DAB1: variants seen among roughly 807,000 people sequenced by gnomAD.
The protein encoded by DAB1 is DAB adaptor protein 1.
A neutral mutation model predicts 64.6 loss-of-function variants in DAB1; 15 were observed. The ratio of observed to expected loss-of-function variants is 0.23; its 90% CI spans 0.16 to 0.36. DAB1 has a LOEUF of 0.36. Ranked by LOEUF, DAB1 falls within the 10% of genes least tolerant of loss-of-function variation. The probability of loss-of-function intolerance (pLI) is 1.00; values close to 1 mark genes in which losing one functional copy is unlikely to be tolerated. For missense variants in DAB1, 596 were observed against 706.7 expected (o/e 0.84, Z 1.78); for synonymous variants, 235 against 251.9 (o/e 0.93, Z 0.64).
At chr1:58,315,537 T>C (rs988528872) in intron 4 of DAB1, among the ~76,000 whole-genome samples, 20 of 152,190 alleles carry the variant, frequency 1.3e-4, no homozygotes, top group Non-Finnish European at 2.6e-4. Flanking sequence ...TATAGCTGAT[T>C]CTTGGAGGAA....
rs577169159 is a variant in DAB1 at position 57,763,829 on chromosome 1, G to T, written n.552-114164C>A. On this transcript the variant is annotated intron_variant and non_coding_transcript_variant, in intron 6 of 20. Coordinates refer to the DAB1 transcript ENST00000485760. ...TTCAGGAGGGTTTTCATTCTTGATA[G>T]TGTGTTTGACTTTCATGTAACTTCT... 1.3e-4 allele frequency among the ~76,000 whole-genome samples: 20 copies of T among 152,280 alleles called. No homozygotes were observed. The East Asian group carries it at 3.9e-3, about 29-fold the overall frequency.
intron 9 of DAB1, among the ~76,000 whole-genome samples, chr1:57,037,815 T>A (rs1403812343): frequency 6.6e-6 from 1 of 152,148 alleles, no homozygotes; most frequent in Non-Finnish European, 1.5e-5. Context: ...CAAGGGCAAG[T>A]GGCTTGAGGT....
intron 7 of DAB1, among the ~76,000 whole-genome samples, chr1:57,517,157 T>G (rs1032332775): frequency 1.3e-5 from 2 of 152,072 alleles, no homozygotes; most frequent in Non-Finnish European, 2.9e-5. Context: ...TCCTTTCTTT[T>G]TATTTATTTA....
chr1:58,427,401 C>T (rs770685903), intron 3 of DAB1, among the ~76,000 whole-genome samples: 1 of 152,112 alleles, frequency 6.6e-6, no homozygotes, highest in Non-Finnish European at 1.5e-5. Flanking sequence ...TTTATTTGAA[C>T]AGCACCACCA....
chr1:57,225,846 G>C (rs1487280341), intron 2 of DAB1, among the ~76,000 whole-genome samples: 1 of 152,084 alleles, frequency 6.6e-6, no homozygotes, highest in Admixed American at 6.6e-5. Flanking sequence ...TGGTTTTTCA[G>C]AAGTTTGCTG....
intron 1 of DAB1, among the ~76,000 whole-genome samples, chr1:57,828,020 A>G (rs1652431249): frequency 6.6e-6 from 1 of 152,114 alleles, no homozygotes. Context: ...ATCTCGGCTC[A>G]CTGCAAGCTC....
intron 1 of DAB1, among the ~76,000 whole-genome samples, chr1:57,377,325 A>T (rs1420459342): frequency 6.6e-6 from 1 of 151,918 alleles, no homozygotes; most frequent in Non-Finnish European, 1.5e-5. Flanking sequence ...GTCTATTGGC[A>T]TAAAGAAGTG....
intron 1 of DAB1, among the ~76,000 whole-genome samples, chr1:58,543,607 T>C (rs12142098): frequency 0.65 from 98,744 of 152,040 alleles, 34,156 homozygotes; most frequent in East Asian, 0.94. Context: ...ATGCAAACCC[T>C]GGCAACAGAA....
At chr1:57,954,844 T>C (rs1645355222) in intron 5 of DAB1, among the ~76,000 whole-genome samples, 1 of 152,168 alleles carries the variant, frequency 6.6e-6, no homozygotes, top group South Asian at 2.1e-4. Context: ...TTCACACCCA[T>C]TACCTCATTT....
chr1:57,538,297 T>A (rs1221333642), intron 7 of DAB1, among the ~76,000 whole-genome samples: 1 of 152,170 alleles, frequency 6.6e-6, no homozygotes, highest in African/African-American at 2.4e-5. Flanking sequence ...CCTGAGCAGC[T>A]AGCATTCTTA....
At chr1:57,995,679 T>A (rs1646413377) in intron 5 of DAB1, among the ~76,000 whole-genome samples, 1 of 152,176 alleles carries the variant, frequency 6.6e-6, no homozygotes, top group Non-Finnish European at 1.5e-5. Context: ...AACAAACCTT[T>A]ACTCACAGCT....
At chr1:57,558,762 T>C (rs1211054793) in intron 7 of DAB1, among the ~76,000 whole-genome samples, 1 of 152,156 alleles carries the variant, frequency 6.6e-6, no homozygotes, top group African/African-American at 2.4e-5. Context: ...GATGGCCCAT[T>C]GTGAGTGAGA....
intron 7 of DAB1, among the ~76,000 whole-genome samples, chr1:57,476,401 C>A (rs1018100874): frequency 6.6e-6 from 1 of 151,924 alleles, no homozygotes; most frequent in African/African-American, 2.4e-5. Context: ...TGTGAAGAGT[C>A]CCCTGACTTT....
chr1:58,111,872 T>G (rs528803681), intron 5 of DAB1, among the ~76,000 whole-genome samples: 44 of 152,156 alleles, frequency 2.9e-4, no homozygotes, highest in Non-Finnish European at 5.9e-4. Flanking sequence ...GAAGTTTAGT[T>G]TTTAGGAAGT....
chr1:57,180,706 G>A (rs1331520997), intron 2 of DAB1, among the ~76,000 whole-genome samples: 1 of 151,934 alleles, frequency 6.6e-6, no homozygotes, highest in African/African-American at 2.4e-5. Context: ...CACTTCTCCT[G>A]AGTACCCACA....
chr1:57,234,727 C>T (rs1667964602), intron 2 of DAB1, among the ~76,000 whole-genome samples: 1 of 152,162 alleles, frequency 6.6e-6, no homozygotes. Flanking sequence ...CAGGCTAGCT[C>T]TTACCTGGAG....
At chr1:58,292,982 A>G (rs1272858962) in intron 4 of DAB1, among the ~76,000 whole-genome samples, 1 of 152,150 alleles carries the variant, frequency 6.6e-6, no homozygotes, top group African/African-American at 2.4e-5. Context: ...GGAGACCCAC[A>G]TGAGACCCAA....
Position 57,421,543 on chromosome 1 carries a change from C to G in DAB1, c.-137+2387G>C, listed in dbSNP as rs533817934. Among the ~76,000 whole-genome samples the G allele has an allele frequency of 2.0e-5, 3 of 152,298 alleles. No homozygotes were observed. In the East Asian group the frequency reaches 5.8e-4, roughly 29 times the overall value. ...GGTCACAACATATTTGCACTTCCCA[C>G]TTCGGCCTCTTTTCTCATCCCTGCG... On this transcript the variant is annotated intron_variant, in intron 1 of 14. Coordinates refer to ENST00000371236, the MANE Select transcript of DAB1 (RefSeq NM_001365792.1).
intron 1 of DAB1, among the ~76,000 whole-genome samples, chr1:57,836,429 T>C (rs1652812076): frequency 6.6e-6 from 1 of 152,176 alleles, no homozygotes; most frequent in South Asian, 2.1e-4. Context: ...CGTCATCCTA[T>C]CTCCTTCTCT....
Sources: gnomAD v4.1 joint callset for allele counts (sites outside exome capture counted in the v4.1 genomes callset) on GRCh38, gnomAD v4.1.1 for gene constraint, MANE v1.5 for transcripts, NCBI Gene and HGNC (gene_info 2026-07-23, HGNC 2026-07-21) for gene names.